Variants in CHRM5 observed in about 807,000 individuals in gnomAD.
The protein encoded by CHRM5 is cholinergic receptor muscarinic 5, also known as muscarinic acetylcholine receptor M5.
In CHRM5, 18 loss-of-function variants were observed where a neutral mutation model predicts 39.0. The observed-to-expected ratio is 0.46, with a 90% CI of 0.32 to 0.68. CHRM5 has a LOEUF of 0.68. CHRM5 is among the 30% of genes least tolerant of loss of function. CHRM5 has a pLI of 0.04. For synonymous variants in CHRM5, 241 were observed against 246.3 expected, an observed-to-expected ratio of 0.98 and a Z score of 0.20; for missense variants, 515 against 651.1, an observed-to-expected ratio of 0.79 and a Z score of 2.28.
At chr15:33,980,928 C>A (rs1328159107) in intron 1 of CHRM5, among the ~76,000 whole-genome samples, 1 of 152,130 alleles carries the variant, frequency 6.6e-6, no homozygotes, top group Non-Finnish European at 1.5e-5. Flanking sequence ...AGCCTCCAAT[C>A]AGAACTTAAA....
chr15:34,022,203 C>T (rs1898232525), intron 1 of CHRM5, among the ~76,000 whole-genome samples: 2 of 152,130 alleles, frequency 1.3e-5, no homozygotes, highest in African/African-American at 4.8e-5. Flanking sequence ...CATCATGGCC[C>T]CATGTTAGCA....
rs149578216 is a variant in CHRM5 at position 33,983,679 on chromosome 15, C to T, written c.-408+14529C>T. On this transcript the variant is annotated intron_variant, in intron 1 of 2. Transcript: ENST00000383263. ...TTCCATGGATGAAGCTTACTCGCAT[C>T]GTCTTGAGTGTGAGCAGGACTTAGT... Among the ~76,000 whole-genome samples, 412 of 152,116 alleles carry T rather than the reference C, an allele frequency of 2.7e-3. 2 individuals carry two copies. Among genetic ancestry groups the T allele is most frequent in the African/African-American group, 9.6e-3 (399 of 41,494 alleles).
At chr15:34,054,705 G>A (rs1465687768) in intron 2 of CHRM5, among the ~76,000 whole-genome samples, 2 of 152,126 alleles carry the variant, frequency 1.3e-5, no homozygotes, top group East Asian at 3.9e-4. Flanking sequence ...GGAGGAGGGA[G>A]AACATCAAGA....
At chr15:34,056,676 CTTG>C (rs1900164630) in intron 2 of CHRM5, among the ~76,000 whole-genome samples, 1 of 152,066 alleles carries the variant, frequency 6.6e-6, no homozygotes, top group Admixed American at 6.6e-5. Flanking sequence ...GGTTGTTCTG[CTTG>C]AATGATTGGG....
intron 1 of CHRM5, chr15:34,003,014 T>C (rs1432744571): frequency 5.6e-6 from 9 of 1,602,232 alleles, no homozygotes; most frequent in African/African-American, 1.3e-5. Flanking sequence ...ACAGTATGCA[T>C]GCAACTGGAA....
At position 34,064,330 on chromosome 15, in the gene CHRM5, C is replaced by G. The variant is rs1173030520; in HGVS notation, c.*14C>G. 1 of 1,600,142 alleles carries G rather than the reference C, an allele frequency of 6.2e-7. No individual in the cohort carries two copies. The highest frequency in any genetic ancestry group is 2.2e-5 in the East Asian group (1 of 44,810). ...AAGCTACCCTGAAAAGTCAACAACT[C>G]CTCTCGAAAGAACAATGACCACAGT... On this transcript the variant is annotated 3_prime_UTR_variant, in exon 3 of 3. Transcript: ENST00000383263.
chr15:34,016,866 C>T (rs550317980), intron 1 of CHRM5, among the ~76,000 whole-genome samples: 6 of 152,230 alleles, frequency 3.9e-5, no homozygotes, highest in East Asian at 1.9e-4. Flanking sequence ...TGGTGGCACA[C>T]GCCTGTAATT....
At chr15:33,984,881 A>G (rs1379938324) in intron 1 of CHRM5, among the ~76,000 whole-genome samples, 3 of 152,150 alleles carry the variant, frequency 2.0e-5, no homozygotes, top group Admixed American at 6.5e-5. Flanking sequence ...CTCTGTCATC[A>G]TGAACCATGT....
chr15:34,025,094 C>T (rs907369437), intron 1 of CHRM5, among the ~76,000 whole-genome samples: 5 of 151,858 alleles, frequency 3.3e-5, no homozygotes, highest in Admixed American at 6.6e-5. Flanking sequence ...CGTTTGAGCC[C>T]GGGAGGCAGA....
At chr15:34,037,203 T>C (rs1477313944) in intron 1 of CHRM5, among the ~76,000 whole-genome samples, 1 of 152,034 alleles carries the variant, frequency 6.6e-6, no homozygotes, top group East Asian at 1.9e-4. Context: ...CAATTCAACT[T>C]AAAGACACTT....
rs62016998 is a variant in CHRM5, at chr15:34,004,082, G to A, written c.-408+34932G>A. On this transcript the variant is annotated intron_variant, in intron 1 of 2. Coordinates refer to ENST00000383263, the MANE Select transcript of CHRM5 (RefSeq NM_012125.4). ...TTGCCTGTGTGATTGTTCAGGTAGC[G>A]TCTGTGTGAGCAACTAGTTGTATAC... 4.7e-4 allele frequency among the ~76,000 whole-genome samples: 71 copies of A among 152,124 alleles called. 1 individual carries two copies. In the South Asian group the frequency reaches 1.0e-2, roughly 21 times the overall value.
chr15:33,980,404 C>T (rs1404764617), intron 1 of CHRM5, among the ~76,000 whole-genome samples: 10 of 152,192 alleles, frequency 6.6e-5, no homozygotes, highest in South Asian at 2.1e-4. Flanking sequence ...GCATTACTTA[C>T]GCAAGGCTGT....
intron 1 of CHRM5, among the ~76,000 whole-genome samples, chr15:33,990,529 G>A (rs1446432699): frequency 3.3e-5 from 5 of 152,180 alleles, no homozygotes; most frequent in Non-Finnish European, 7.3e-5. Flanking sequence ...ATTCACTAAC[G>A]TTCTCTCATT....
chr15:34,064,971 G>A lies in CHRM5; in HGVS notation c.*655G>A. 1 of 167,260 alleles carries A rather than the reference G, an allele frequency of 6.0e-6. No individual in the cohort carries two copies. The allele number at this position is 167,260 out of a possible 1,614,324, so 10.4% of individuals were successfully genotyped here. On this transcript the variant is annotated 3_prime_UTR_variant, in exon 3 of 3. Transcript: ENST00000383263. ...TCCTTGTACTCACTGAACCCATGCT[G>A]ATCTCCAGGGAACCATCCTTCCTCT...
chr15:34,039,094 G>T, intron 1 of CHRM5: 2 of 1,069,582 alleles, frequency 1.9e-6, no homozygotes, highest in South Asian at 4.4e-5. Context: ...AGCTGCGGCG[G>T]AGACGCCCTG....
In CHRM5 at chr15:34,065,902, C is replaced by CT. The variant is rs1216507799; in HGVS notation, c.*1590dup. ...CATGCGTCTTAGTGTAGGCCGGGTC[C>CT]TTTTCAGTCTCATTTGCTAAGAGGA... On this transcript the variant is annotated 3_prime_UTR_variant, in exon 3 of 3. Transcript: ENST00000383263. 2 of 152,068 alleles carry CT rather than the reference C, an allele frequency of 1.3e-5. No homozygotes were observed. Among genetic ancestry groups the CT allele is most frequent in the Non-Finnish European group, 2.9e-5 (2 of 68,028 alleles). 9.4% of individuals were successfully genotyped at this position (152,068 alleles called of 1,614,324 possible). A position where few individuals can be genotyped will look rare whatever the true frequency, so the allele number is the denominator to read the frequency against.
At chr15:34,047,893 G>A (rs1899770612) in intron 2 of CHRM5, among the ~76,000 whole-genome samples, 1 of 152,136 alleles carries the variant, frequency 6.6e-6, no homozygotes, top group Non-Finnish European at 1.5e-5. Flanking sequence ...TTCCCAGGAT[G>A]AGGGGCTCTC....
At chr15:34,062,257 A>G (rs1286540319) in intron 2 of CHRM5, among the ~76,000 whole-genome samples, 1 of 152,218 alleles carries the variant, frequency 6.6e-6, no homozygotes, top group African/African-American at 2.4e-5. Context: ...ATATTCCATT[A>G]GAAACTATAA....
At chr15:34,021,862 A>AAAAT (rs1898217469) in intron 1 of CHRM5, among the ~76,000 whole-genome samples, 3 of 152,062 alleles carry the variant, frequency 2.0e-5, no homozygotes, top group African/African-American at 4.8e-5. Flanking sequence ...TCTCAAAAAT[A>AAAAT]AAAATAAAAT....
Sources: gnomAD v4.1 joint callset for allele counts (sites outside exome capture counted in the v4.1 genomes callset) on GRCh38, gnomAD v4.1.1 for gene constraint, MANE v1.5 for transcripts, NCBI Gene and HGNC (gene_info 2026-07-23, HGNC 2026-07-21) for gene names.